The following CERS3 variants were observed in gnomAD, a reference collection of about 807,000 sequenced individuals.
CERS3 encodes ceramide synthase 3.
A neutral mutation model predicts 50.3 loss-of-function variants in CERS3; 33 were observed. That is an observed-to-expected ratio of 0.66 (90% CI 0.50 to 0.88). The LOEUF is 0.88. Ranked by LOEUF, CERS3 falls within the 40% of genes least tolerant of loss-of-function variation. The pLI is 0.00. For synonymous variants in CERS3, 176 were observed against 155.2 expected (o/e 1.13, Z -0.99); for missense variants, 470 against 460.3 (o/e 1.02, Z -0.19).
chr15:100,440,342 G>A (rs966450981), intron 11 of CERS3, among the ~76,000 whole-genome samples: 9 of 152,164 alleles, frequency 5.9e-5, no homozygotes, highest in African/African-American at 1.9e-4. Flanking sequence ...TGCCTTAACT[G>A]ATGACATTAT....
At chr15:100,480,883 A>C (rs2035278826) in intron 5 of CERS3, among the ~76,000 whole-genome samples, 1 of 152,192 alleles carries the variant, frequency 6.6e-6, no homozygotes, top group Non-Finnish European at 1.5e-5. Context: ...TAGAGAGGAC[A>C]TAGGATTGGC....
chr15:100,537,730 G>T (rs1596833210), intron 1 of CERS3, among the ~76,000 whole-genome samples: 1 of 152,202 alleles, frequency 6.6e-6, no homozygotes, highest in East Asian at 1.9e-4. Flanking sequence ...GATTTGGGTG[G>T]GACAACCAAA....
chr15:100,415,377 C>T lies in CERS3; in HGVS notation c.1000-12512G>A, dbSNP rs2031819512. Among the ~76,000 whole-genome samples, 5 of 152,208 alleles carry T rather than the reference C, an allele frequency of 3.3e-5. No homozygotes were observed. The South Asian group carries it at 1.0e-3, about 32-fold the overall frequency. On this transcript the variant is annotated intron_variant, in intron 11 of 11. Coordinates refer to ENST00000679737, the MANE Select transcript of CERS3 (RefSeq NM_001378789.1). The stretch of plus-strand genomic sequence containing the variant: ...ATGCAAGTTCAACCATTGTGGGAAA[C>T]AGTGTGGCAATTCCTCAAAGAACTA...
At chr15:100,500,508 C>T (rs2035964554) in intron 3 of CERS3, 1 of 152,144 alleles carries the variant, frequency 6.6e-6, no homozygotes, top group South Asian at 2.1e-4. Context: ...AGGAAATCTG[C>T]AATGGAAATA....
At chr15:100,478,282 A>G (rs115505673) in intron 7 of CERS3, among the ~76,000 whole-genome samples, 2,268 of 152,350 alleles carry the variant, frequency 0.015, 58 homozygotes, top group African/African-American at 0.052. Context: ...GAAAAGTACC[A>G]GTGAACTGGA....
At chr15:100,515,679 G>C (rs375839074) in intron 2 of CERS3, among the ~76,000 whole-genome samples, 1 of 152,104 alleles carries the variant, frequency 6.6e-6, no homozygotes, top group African/African-American at 2.4e-5. Flanking sequence ...CAAAAAAAGG[G>C]GTCCAAGGTG....
intron 1 of CERS3, among the ~76,000 whole-genome samples, chr15:100,539,954 T>C (rs947333939): frequency 8.5e-5 from 13 of 152,268 alleles, no homozygotes; most frequent in African/African-American, 2.9e-4. Flanking sequence ...TGCTTGCTAT[T>C]ACCAAGTAAT....
chr15:100,453,762 C>CA (rs3079237), intron 11 of CERS3, among the ~76,000 whole-genome samples: 1 of 151,680 alleles, frequency 6.6e-6, no homozygotes, highest in African/African-American at 2.4e-5. Context: ...AAGACTTCAC[C>CA]AAAAAAAGCC....
chr15:100,479,295 C>A, intron 7 of CERS3, 133 bp downstream of exon 7: 2 of 587,520 alleles, frequency 3.4e-6, no homozygotes, highest in Non-Finnish European at 6.0e-6. Context: ...GATAAGGAAG[C>A]TCAAGTAGAA....
chr15:100,512,393 A>G (rs1402490642), intron 2 of CERS3, among the ~76,000 whole-genome samples: 1 of 152,210 alleles, frequency 6.6e-6, no homozygotes, highest in Non-Finnish European at 1.5e-5. Flanking sequence ...AGCAGATTTC[A>G]GCACCTCCCT....
chr15:100,493,212 G>T (rs2035703700), intron 3 of CERS3, among the ~76,000 whole-genome samples: 1 of 152,146 alleles, frequency 6.6e-6, no homozygotes, highest in East Asian at 1.9e-4. Context: ...TCAGTCTGAA[G>T]GACTTCCTTT....
At chr15:100,442,925 A>G (rs1438594993) in intron 11 of CERS3, among the ~76,000 whole-genome samples, 1 of 151,506 alleles carries the variant, frequency 6.6e-6, no homozygotes, top group East Asian at 2.0e-4. Context: ...TGCCTCCATA[A>G]CTGTTGTGGG....
At chr15:100,499,769 T>TATACAGAAA (rs1300806888) in intron 3 of CERS3, among the ~76,000 whole-genome samples, 4 of 152,240 alleles carry the variant, frequency 2.6e-5, no homozygotes, top group Admixed American at 6.5e-5. Flanking sequence ...GCTTGCTTTC[T>TATACAGAAA]GTATTCCCAA....
At chr15:100,437,268 A>C (rs887220045) in intron 11 of CERS3, among the ~76,000 whole-genome samples, 1 of 152,064 alleles carries the variant, frequency 6.6e-6, no homozygotes, top group Non-Finnish European at 1.5e-5. Flanking sequence ...TTTCTAACAT[A>C]CTTTATTTCA....
intron 11 of CERS3, among the ~76,000 whole-genome samples, chr15:100,406,280 GAT>G (rs1356900875): frequency 1.3e-5 from 2 of 152,188 alleles, no homozygotes; most frequent in Non-Finnish European, 2.9e-5. Flanking sequence ...AAGAAAAAAA[GAT>G]ATGGAAGATG....
At chr15:100,442,596 G>T (rs1318237222) in intron 11 of CERS3, among the ~76,000 whole-genome samples, 1 of 152,160 alleles carries the variant, frequency 6.6e-6, no homozygotes, top group East Asian at 1.9e-4. Context: ...GCCAAGGAAT[G>T]CTCGCAGCCT....
Position 100,501,760 on chromosome 15 carries a change from T to C in CERS3, c.90A>G (p.Gly30=), listed in dbSNP as rs2036007198. 1 of 1,613,886 alleles carries C rather than the reference T, an allele frequency of 6.2e-7. No individual in the cohort carries two copies. The highest frequency in any genetic ancestry group is 1.3e-5 in the African/African-American group (1 of 75,002). Residue 30 remains glycine, a synonymous_variant, in exon 3 of 12, where the codon GGA becomes GGG. Coordinates refer to ENST00000679737, the MANE Select transcript of CERS3 (RefSeq NM_001378789.1). ...IKWSDLEDHD[G]LVFVKPSHLY... is the part of the protein sequence containing the mutation. ...AATGAGAAGGTTTTACAAAGACGAGTCCATCGTGATCCTCAAGATCTGACC... is the reference window on the plus strand; with the variant it reads ...AATGAGAAGGTTTTACAAAGACGAGCCCATCGTGATCCTCAAGATCTGACC...
At chr15:100,493,799 A>T (rs1411622713) in intron 3 of CERS3, among the ~76,000 whole-genome samples, 1 of 152,136 alleles carries the variant, frequency 6.6e-6, no homozygotes, top group Non-Finnish European at 1.5e-5. Context: ...GATTTCAGTC[A>T]TTGTAGTTTT....
chr15:100,542,320 A>C (rs920672486), intron 1 of CERS3, among the ~76,000 whole-genome samples: 3 of 152,228 alleles, frequency 2.0e-5, no homozygotes, highest in Non-Finnish European at 4.4e-5. Flanking sequence ...CAGCAGAAAC[A>C]ATGTAAAGCA....
Sources: gnomAD v4.1 joint callset for allele counts (sites outside exome capture counted in the v4.1 genomes callset) on GRCh38, gnomAD v4.1.1 for gene constraint, MANE v1.5 for transcripts, NCBI Gene and HGNC (gene_info 2026-07-23, HGNC 2026-07-21) for gene names.